The following RPRD2 variants were observed in gnomAD, a reference collection of about 807,000 sequenced individuals.
RPRD2 encodes regulation of nuclear pre-mRNA domain containing 2.
A neutral mutation model predicts 104.4 loss-of-function variants in RPRD2; 12 were observed. The observed-to-expected ratio is 0.11, with a 90% CI of 0.07 to 0.19. The LOEUF is 0.19. Ranked by LOEUF, RPRD2 falls within the 10% of genes least tolerant of loss-of-function variation. The pLI is 1.00. For synonymous variants in RPRD2, 714 were observed against 684.9 expected, an observed-to-expected ratio of 1.04 and a Z score of -0.66; for missense variants, 1,543 against 1,790.1, an observed-to-expected ratio of 0.86 and a Z score of 2.49.
intron 6 of RPRD2, among the ~76,000 whole-genome samples, chr1:150,445,822 A>G: frequency 6.6e-6 from 1 of 152,152 alleles, no homozygotes; most frequent in East Asian, 1.9e-4. Flanking sequence ...TAATCCCAGC[A>G]CTTTGGGAGG....
At chr1:150,441,085 T>C (rs587729256) in intron 3 of RPRD2, 62 bp downstream of exon 3, 1 of 775,960 alleles carries the variant, frequency 1.3e-6, no homozygotes, top group East Asian at 2.7e-5. Context: ...TTACATAATT[T>C]TATAGATCTG....
chr1:150,471,600 G>C lies in RPRD2; in HGVS notation c.2652G>C (p.Gly884=). The C allele has an allele frequency of 6.2e-7, 1 of 1,613,710 alleles. No homozygotes were observed. Among genetic ancestry groups the C allele is most frequent in the Non-Finnish European group, 8.5e-7 (1 of 1,179,812 alleles). ...ATAGCCACAGAGCCCAAGAATTTGG[G>C]GTAAAGTCTGCCTTCCCTCCATCTG... The part of the protein sequence containing the change: ...SSYSHRAQEF[G]VKSAFPPSVR... Residue 884 remains glycine (G), a synonymous_variant, in exon 11 of 11, where the codon GGG becomes GGC. Coordinates refer to ENST00000369068, the MANE Select transcript of RPRD2 (RefSeq NM_015203.5). The surrounding 1 kb of genome is among the most constrained non-coding windows in gnomAD (Gnocchi z 5.3).
At chr1:150,423,916 C>T (rs1664937888) in intron 2 of RPRD2, among the ~76,000 whole-genome samples, 1 of 150,700 alleles carries the variant, frequency 6.6e-6, no homozygotes, top group South Asian at 2.1e-4. Flanking sequence ...CCTCAGCCTC[C>T]TGAGAGGCTG....
Position 150,401,097 on chromosome 1 carries a change from A to AC in RPRD2, c.206-16496dup, listed in dbSNP as rs587614638. 2.0e-4 allele frequency among the ~76,000 whole-genome samples: 31 copies of AC among 152,002 alleles called. 1 individual carries two copies. The East Asian group carries it at 4.1e-3, about 20-fold the overall frequency. ...AGGCTGAGGCAGGAGAATGGTGTGAACCCGGGAAGGTGGAGCTTGCAGTGA... is the reference window on the plus strand; with the variant it reads ...AGGCTGAGGCAGGAGAATGGTGTGAACCCCGGGAAGGTGGAGCTTGCAGTGA... On this transcript the variant is annotated intron_variant, in intron 1 of 10. Coordinates refer to ENST00000369068, the MANE Select transcript of RPRD2 (RefSeq NM_015203.5).
At chr1:150,453,056 G>A (rs782167724) in intron 7 of RPRD2, among the ~76,000 whole-genome samples, 2 of 147,146 alleles carry the variant, frequency 1.4e-5, no homozygotes, top group Admixed American at 6.8e-5. Context: ...TTTTGGAGAC[G>A]GAGCCTCGTG....
At chr1:150,376,694 G>T (rs1359665499) in intron 1 of RPRD2, among the ~76,000 whole-genome samples, 4 of 151,358 alleles carry the variant, frequency 2.6e-5, no homozygotes, top group Admixed American at 2.6e-4. Flanking sequence ...TAGAGAAGGG[G>T]TTTCACCGTG....
chr1:150,378,626 A>G (rs1351805485), intron 1 of RPRD2, among the ~76,000 whole-genome samples: 1 of 152,170 alleles, frequency 6.6e-6, no homozygotes, highest in Non-Finnish European at 1.5e-5. Context: ...GCAAAAATGA[A>G]AAACAATTTG....
chr1:150,470,888 C>T lies in RPRD2; in HGVS notation c.1940C>T (p.Thr647Ile). 1 of 1,614,000 alleles carries T rather than the reference C, an allele frequency of 6.2e-7. No homozygotes were observed. The highest frequency in any genetic ancestry group is 8.5e-7 in the Non-Finnish European group (1 of 1,179,900). ...CCTGCTGCCCCACCTACTGAAGTTACCATCTGCCAATCTTCAGAGGTCTCC... is the reference window on the plus strand; with the variant it reads ...CCTGCTGCCCCACCTACTGAAGTTATCATCTGCCAATCTTCAGAGGTCTCC... ...TSPAAPPTEVTICQSSEVSKP... is the reference protein window; with the variant it reads ...TSPAAPPTEVIICQSSEVSKP... The change falls in exon 11 of 11, where the codon ACC (threonine) becomes ATC (isoleucine). Residue 647 changes from threonine (T) to isoleucine (I), a missense_variant. By Grantham distance (89) the Thr-to-Ile change is moderately conservative. Around this residue, in one of 4 missense-constraint regions of RPRD2, gnomAD observed 572 missense variants for 787.3 expected, o/e 0.73. Coordinates refer to ENST00000369068, the MANE Select transcript of RPRD2 (RefSeq NM_015203.5).
At chr1:150,455,619 G>C (rs1667475008) in intron 7 of RPRD2, among the ~76,000 whole-genome samples, 1 of 129,968 alleles carries the variant, frequency 7.7e-6, no homozygotes, top group Admixed American at 7.7e-5. Flanking sequence ...GGTTAGAAAA[G>C]GACATTAGGT....
chr1:150,418,806 A>G (rs1271836512), intron 2 of RPRD2, among the ~76,000 whole-genome samples: 1 of 152,162 alleles, frequency 6.6e-6, no homozygotes, highest in Non-Finnish European at 1.5e-5. Flanking sequence ...TGAGGTCAGG[A>G]GATCAAGACC....
intron 1 of RPRD2, among the ~76,000 whole-genome samples, chr1:150,365,555 A>T (rs587609298): frequency 6.6e-6 from 1 of 152,294 alleles, no homozygotes; most frequent in African/African-American, 2.4e-5. Flanking sequence ...AGTAGTCAGT[A>T]TCATCGTTAA....
intron 2 of RPRD2, among the ~76,000 whole-genome samples, chr1:150,432,630 A>T: frequency 6.9e-6 from 1 of 144,836 alleles, no homozygotes; most frequent in East Asian, 2.0e-4. Context: ...GAAAATGATA[A>T]AAAAAAAAAA....
chr1:150,377,710 C>T (rs189597811), intron 1 of RPRD2, among the ~76,000 whole-genome samples: 110 of 151,812 alleles, frequency 7.2e-4, no homozygotes, highest in African/African-American at 2.5e-3. Flanking sequence ...GAATAGGTAT[C>T]ACTTTGGTTG....
At chr1:150,400,130 C>A (rs955451329) in intron 1 of RPRD2, among the ~76,000 whole-genome samples, 12 of 152,174 alleles carry the variant, frequency 7.9e-5, no homozygotes, top group African/African-American at 2.9e-4. Context: ...CTAAGTCTTT[C>A]ATGCTCTTAT....
intron 2 of RPRD2, among the ~76,000 whole-genome samples, chr1:150,420,197 G>T (rs1251351336): frequency 2.0e-5 from 3 of 151,860 alleles, no homozygotes; most frequent in African/African-American, 7.3e-5. Flanking sequence ...GTGTTTCCTT[G>T]ACTTGAATTT....
chr1:150,383,306 G>GGTTTT lies in RPRD2; in HGVS notation c.205+18387_205+18388insGTTTT, dbSNP rs1553881150. Among the ~76,000 whole-genome samples the GGTTTT allele has an allele frequency of 3.9e-5, 5 of 126,740 alleles. 1 individual carries two copies. The highest frequency in any genetic ancestry group is 3.1e-5 in the African/African-American group (1 of 31,958). 83.1% of individuals were successfully genotyped at this position (126,740 alleles called of 152,430 possible). On this transcript the variant is annotated intron_variant, in intron 1 of 10. Transcript: ENST00000369068. ...CACGAGACCTGGCCTCAAATAAGAG[G>GGTTTT]TTTTTTTTTTTTTTTTTTTTGGTGA...
chr1:150,412,038 A>G (rs11205368), intron 1 of RPRD2, among the ~76,000 whole-genome samples: 33,690 of 150,584 alleles, frequency 0.22, 4,259 homozygotes, highest in African/African-American at 0.32. Context: ...CACAAGAATC[A>G]CTTGAACCTG....
chr1:150,364,651 C>T lies in RPRD2; in HGVS notation c.-64C>T, dbSNP rs1659688591. 4.6e-6 allele frequency: 4 copies of T among 860,834 alleles called. No homozygotes were observed. The highest frequency in any genetic ancestry group is 1.8e-5 in the African/African-American group (1 of 56,068). The allele number at this position is 860,834 out of a possible 1,614,324, so 53.3% of individuals were successfully genotyped here. On this transcript the variant is annotated 5_prime_UTR_variant, in exon 1 of 11. Coordinates refer to ENST00000369068, the MANE Select transcript of RPRD2 (RefSeq NM_015203.5). ...ACGCACTCGCAGTGATTGTTTTGCC[C>T]GCTCCCGCCGCCGCCGCCGCCGCCG... is the stretch of plus-strand genomic sequence containing the variant.
intron 1 of RPRD2, among the ~76,000 whole-genome samples, chr1:150,411,416 G>T (rs587693930): frequency 7.2e-6 from 1 of 138,712 alleles, no homozygotes; most frequent in African/African-American, 2.8e-5. Context: ...AGCCGAGATC[G>T]CGCCACTGCA....
Sources: allele counts gnomAD v4.1 joint callset (sites outside exome capture counted in the v4.1 genomes callset), GRCh38; gene constraint gnomAD v4.1.1; regional missense constraint gnomAD v4.1.1; non-coding constraint Gnocchi (gnomAD v3.1); transcripts MANE v1.5; gene names NCBI Gene and HGNC (gene_info 2026-07-23, HGNC 2026-07-21).